CSMD3: variants seen among roughly 807,000 people sequenced by gnomAD.
CSMD3 encodes the protein CUB and Sushi multiple domains 3.
Under a neutral mutation model 435.2 loss-of-function variants are expected in CSMD3, and 177 were observed. The observed-to-expected ratio is 0.41, with a 90% CI of 0.36 to 0.46. The LOEUF is 0.46. Ranked by LOEUF, CSMD3 falls within the 20% of genes least tolerant of loss-of-function variation. The probability of loss-of-function intolerance (pLI) is 0.34; values close to 1 mark genes in which losing one functional copy is unlikely to be tolerated. For missense variants in CSMD3, 4,265 were observed against 4,504.6 expected, an observed-to-expected ratio of 0.95 and a Z score of 1.52; for synonymous variants, 1,656 against 1,520.5, an observed-to-expected ratio of 1.09 and a Z score of -2.07.
intron 1 of CSMD3, among the ~76,000 whole-genome samples, chr8:113,341,820 T>C (rs2094120980): frequency 1.3e-5 from 2 of 152,162 alleles, no homozygotes; most frequent in South Asian, 4.1e-4. Flanking sequence ...CCACCGGCAT[T>C]GTCTAGACTG....
At chr8:112,545,507 TAATA>T (rs1827107756) in intron 27 of CSMD3, among the ~76,000 whole-genome samples, 1 of 93,526 alleles carries the variant, frequency 1.1e-5, no homozygotes, top group African/African-American at 4.2e-5. Flanking sequence ...AAAAAAATAA[TAATA>T]ATAATAATAA....
At chr8:112,686,970 T>C (rs1563852760) in intron 14 of CSMD3, among the ~76,000 whole-genome samples, 1 of 152,136 alleles carries the variant, frequency 6.6e-6, no homozygotes, top group African/African-American at 2.4e-5. Flanking sequence ...CTTCTAGTGT[T>C]TGACATTTAA....
intron 4 of CSMD3, among the ~76,000 whole-genome samples, chr8:113,156,436 G>T (rs1474305689): frequency 6.6e-6 from 1 of 151,678 alleles, no homozygotes; most frequent in Non-Finnish European, 1.5e-5. Context: ...TTCTCTTCGT[G>T]ATAATATGAA....
At position 112,947,737 on chromosome 8, in the gene CSMD3, TTAAAA is replaced by T. The variant is rs544323657; in HGVS notation, c.1508+48_1508+52del. 584 of 812,774 alleles carry T rather than the reference TTAAAA, an allele frequency of 7.2e-4. 5 individuals carry two copies. Among genetic ancestry groups the T allele is most frequent in the Non-Finnish European group, 8.2e-4 (386 of 469,232 alleles). The allele number at this position is 812,774 out of a possible 1,614,324, so 50.3% of individuals were successfully genotyped here. ...TTATTAGCTACTTTAAAGATTTAAATTAAAATAAACCTTGACAAGATAAATAATGA... is the reference window on the plus strand; with the variant it reads ...TTATTAGCTACTTTAAAGATTTAAATTAAACCTTGACAAGATAAATAATGA... On this transcript the variant is annotated intron_variant, in intron 9 of 70. Transcript: ENST00000297405.
At chr8:112,483,333 A>T (rs1468315798) in intron 31 of CSMD3, among the ~76,000 whole-genome samples, 2 of 152,116 alleles carry the variant, frequency 1.3e-5, no homozygotes, top group East Asian at 3.9e-4. Flanking sequence ...TCTACTAAAA[A>T]TACAAAAAAA....
chr8:112,253,561 A>T (rs1325441712), intron 63 of CSMD3, among the ~76,000 whole-genome samples: 1 of 152,034 alleles, frequency 6.6e-6, no homozygotes, highest in African/African-American at 2.4e-5. Context: ...GCAATTGGGT[A>T]ATGTGTAAAT....
At chr8:113,329,913 A>G (rs2094014391) in intron 1 of CSMD3, among the ~76,000 whole-genome samples, 1 of 152,144 alleles carries the variant, frequency 6.6e-6, no homozygotes, top group South Asian at 2.1e-4. Flanking sequence ...ATGCATCACT[A>G]TCTGAACTGT....
intron 13 of CSMD3, among the ~76,000 whole-genome samples, chr8:112,720,481 T>G (rs2076833331): frequency 6.6e-6 from 1 of 152,202 alleles, no homozygotes; most frequent in Non-Finnish European, 1.5e-5. Context: ...AAGTATCACA[T>G]AGTTCACCTA....
intron 3 of CSMD3, among the ~76,000 whole-genome samples, chr8:113,248,466 GT>G (rs1563602294): frequency 1.2e-3 from 1 of 802 alleles, no homozygotes; most frequent in Non-Finnish European, 6.2e-3. Flanking sequence ...ATGTGTGTGT[GT>G]GATATATATG....
intron 5 of CSMD3, among the ~76,000 whole-genome samples, chr8:113,035,601 A>G (rs2087311427): frequency 6.6e-6 from 1 of 152,034 alleles, no homozygotes; most frequent in African/African-American, 2.4e-5. Flanking sequence ...CAAAATACAT[A>G]ATGTTTTATG....
At chr8:112,873,807 T>C (rs2081201756) in intron 10 of CSMD3, among the ~76,000 whole-genome samples, 1 of 150,324 alleles carries the variant, frequency 6.7e-6, no homozygotes, top group African/African-American at 2.4e-5. Flanking sequence ...CTCTCTTTTC[T>C]TCTTTATTAT....
chr8:113,306,199 A>T (rs1358099133), intron 2 of CSMD3, among the ~76,000 whole-genome samples: 1 of 152,192 alleles, frequency 6.6e-6, no homozygotes, highest in African/African-American at 2.4e-5. Context: ...TTCAGCACAC[A>T]GCTATACACG....
intron 22 of CSMD3, among the ~76,000 whole-genome samples, chr8:112,622,254 C>G (rs1220723964): frequency 6.6e-6 from 1 of 152,158 alleles, no homozygotes; most frequent in Non-Finnish European, 1.5e-5. Context: ...AATGTCCTCT[C>G]CTGTCCAACT....
chr8:112,729,634 A>T (rs889987), intron 13 of CSMD3, among the ~76,000 whole-genome samples: 23,649 of 152,092 alleles, frequency 0.16, 2,108 homozygotes, highest in Middle Eastern at 0.32. Flanking sequence ...GCCCTAAATG[A>T]CATCATGTGT....
chr8:113,346,901 A>G (rs1364603264), intron 1 of CSMD3, among the ~76,000 whole-genome samples: 1 of 152,088 alleles, frequency 6.6e-6, no homozygotes, highest in Non-Finnish European at 1.5e-5. Context: ...GATTTTGTGG[A>G]GTCTGATATT....
chr8:112,836,147 A>G (rs1006349732), intron 11 of CSMD3, among the ~76,000 whole-genome samples: 4 of 151,896 alleles, frequency 2.6e-5, no homozygotes, highest in Non-Finnish European at 5.9e-5. Flanking sequence ...ATATCTTTGT[A>G]TGCAGTAAAT....
intron 5 of CSMD3, among the ~76,000 whole-genome samples, chr8:113,042,521 T>A (rs941687443): frequency 4.6e-5 from 7 of 152,182 alleles, no homozygotes; most frequent in African/African-American, 1.4e-4. Context: ...CGTTATAATT[T>A]TTCTAATGTA....
chr8:112,276,326 TG>T (rs1660554436), intron 59 of CSMD3, among the ~76,000 whole-genome samples: 1 of 152,214 alleles, frequency 6.6e-6, no homozygotes, highest in Non-Finnish European at 1.5e-5. Flanking sequence ...ATTGAGTAAC[TG>T]TGACTTTTCC....
At chr8:113,182,895 G>T (rs72687608) in intron 3 of CSMD3, among the ~76,000 whole-genome samples, 1 of 131,880 alleles carries the variant, frequency 7.6e-6, no homozygotes, top group Non-Finnish European at 1.8e-5. Flanking sequence ...TGTTGTTGTT[G>T]TTATCGTTTT....
Sources: allele counts gnomAD v4.1 joint callset (sites outside exome capture counted in the v4.1 genomes callset), GRCh38; gene constraint gnomAD v4.1.1; transcripts MANE v1.5; gene names NCBI Gene and HGNC (gene_info 2026-07-23, HGNC 2026-07-21).